Variants in ST6GALNAC3 observed in about 807,000 individuals in gnomAD.
The protein encoded by ST6GALNAC3 is alpha-N-acetylgalactosaminide alpha-2,6-sialyltransferase 3.
In ST6GALNAC3, 25 loss-of-function variants were observed where a neutral mutation model predicts 32.7. That is an observed-to-expected ratio of 0.76 (90% CI 0.56 to 1.07). The LOEUF is 1.07. Ranked by LOEUF, ST6GALNAC3 falls within the 50% of genes least tolerant of loss-of-function variation. The probability of loss-of-function intolerance (pLI) is 0.00; values close to 1 mark genes in which losing one functional copy is unlikely to be tolerated. For missense variants in ST6GALNAC3, 355 were observed against 382.4 expected, an observed-to-expected ratio of 0.93 and a Z score of 0.60; for synonymous variants, 129 against 133.1, an observed-to-expected ratio of 0.97 and a Z score of 0.21.
intron 1 of ST6GALNAC3, among the ~76,000 whole-genome samples, chr1:76,247,771 G>A (rs898135749): frequency 1.3e-5 from 2 of 152,000 alleles, no homozygotes; most frequent in African/African-American, 4.8e-5. Context: ...GTGGGAGTGG[G>A]ACCTGCTGAG....
intron 3 of ST6GALNAC3, among the ~76,000 whole-genome samples, chr1:76,494,156 T>C (rs1660662164): frequency 6.6e-6 from 1 of 151,992 alleles, no homozygotes; most frequent in South Asian, 2.1e-4. Context: ...ACATTTATTA[T>C]CTATTGTGAG....
chr1:76,524,035 T>A (rs1662715749), intron 3 of ST6GALNAC3, among the ~76,000 whole-genome samples: 1 of 152,174 alleles, frequency 6.6e-6, no homozygotes, highest in Non-Finnish European at 1.5e-5. Flanking sequence ...CTAATACTTA[T>A]TATCTACAAC....
chr1:76,547,063 C>T (rs1233853312), intron 3 of ST6GALNAC3, among the ~76,000 whole-genome samples: 1 of 152,154 alleles, frequency 6.6e-6, no homozygotes, highest in Non-Finnish European at 1.5e-5. Flanking sequence ...CTAAAATAGC[C>T]AAGAAGAAAC....
intron 3 of ST6GALNAC3, among the ~76,000 whole-genome samples, chr1:76,597,534 C>T (rs562312351): frequency 1.1e-4 from 16 of 152,104 alleles, no homozygotes; most frequent in African/African-American, 3.6e-4. Flanking sequence ...CTCCCAGATA[C>T]TTTATCTAGA....
At chr1:76,301,928 C>G (rs1316198741) in intron 1 of ST6GALNAC3, among the ~76,000 whole-genome samples, 2 of 151,684 alleles carry the variant, frequency 1.3e-5, no homozygotes, top group South Asian at 4.2e-4. Context: ...TTGGGCAGCT[C>G]CAGGACTGTT....
chr1:76,077,950 A>C (rs142458478), intron 1 of ST6GALNAC3, among the ~76,000 whole-genome samples: 168 of 152,342 alleles, frequency 1.1e-3, no homozygotes, highest in African/African-American at 3.9e-3. Flanking sequence ...ATGATAGAAA[A>C]GTAAATGAGT....
In ST6GALNAC3 at chr1:76,114,099, T is replaced by C. The variant is rs549276814; in HGVS notation, c.18+39215T>C. 2.0e-5 allele frequency among the ~76,000 whole-genome samples: 3 copies of C among 150,504 alleles called. No homozygotes were observed. In the East Asian group the frequency reaches 5.9e-4, roughly 30 times the overall value. ...TTCAGGTGATCCACCCGCCTCGGCC[T>C]CCCAACGTGCTGGGATTACAGACAT... is the stretch of plus-strand genomic sequence containing the variant. On this transcript the variant is annotated intron_variant, in intron 1 of 4. Coordinates refer to ENST00000328299, the MANE Select transcript of ST6GALNAC3 (RefSeq NM_152996.4).
At chr1:76,192,073 C>G (rs2100507805) in intron 1 of ST6GALNAC3, among the ~76,000 whole-genome samples, 1 of 152,208 alleles carries the variant, frequency 6.6e-6, no homozygotes, top group Non-Finnish European at 1.5e-5. Context: ...TTCAAAACAC[C>G]TTTCAGATAT....
At chr1:76,442,755 C>T (rs571402525) in intron 3 of ST6GALNAC3, among the ~76,000 whole-genome samples, 5 of 152,224 alleles carry the variant, frequency 3.3e-5, no homozygotes, top group South Asian at 4.2e-4. Flanking sequence ...CCTTTTAGGA[C>T]CCCTCCTTTG....
At chr1:76,404,962 C>T (rs1416778185) in intron 2 of ST6GALNAC3, among the ~76,000 whole-genome samples, 1 of 152,012 alleles carries the variant, frequency 6.6e-6, no homozygotes, top group Admixed American at 6.6e-5. Flanking sequence ...CATTGAAGTT[C>T]TTGTTTTTAC....
rs387831 is a variant in ST6GALNAC3 at position 76,509,334 on chromosome 1, C to T, written c.623+96917C>T. 0.48 allele frequency among the ~76,000 whole-genome samples: 73,147 copies of T among 151,938 alleles called. 19,629 individuals carry two copies. Among genetic ancestry groups the T allele is most frequent in the East Asian group, 0.76 (3,928 of 5,142 alleles). The stretch of plus-strand genomic sequence containing the variant: ...TATTGGCAGGAATCCAGTAAACTAG[C>T]TTGAGTCAGATGAACTTCATATTAA... On this transcript the variant is annotated intron_variant, in intron 3 of 4. Coordinates refer to ENST00000328299, the MANE Select transcript of ST6GALNAC3 (RefSeq NM_152996.4). The surrounding 1 kb of genome is among the most constrained non-coding windows in gnomAD (Gnocchi z 5.5).
intron 1 of ST6GALNAC3, among the ~76,000 whole-genome samples, chr1:76,274,464 C>A (rs1659025966): frequency 1.3e-5 from 2 of 152,108 alleles, no homozygotes; most frequent in Non-Finnish European, 1.5e-5. Context: ...TCACTTTGCT[C>A]AACCTTATCT....
intron 3 of ST6GALNAC3, among the ~76,000 whole-genome samples, chr1:76,534,449 C>T (rs530704028): frequency 2.6e-5 from 4 of 152,306 alleles, no homozygotes; most frequent in African/African-American, 9.6e-5. Flanking sequence ...AGATCCCTCT[C>T]ACCCCCTGTA....
At chr1:76,131,515 C>A (rs751861241) in intron 1 of ST6GALNAC3, among the ~76,000 whole-genome samples, 1 of 152,162 alleles carries the variant, frequency 6.6e-6, no homozygotes, top group Non-Finnish European at 1.5e-5. Flanking sequence ...TGACAGCATA[C>A]CAGTCTCCAG....
chr1:76,607,594 C>A (rs904961723), intron 3 of ST6GALNAC3, among the ~76,000 whole-genome samples: 1 of 152,184 alleles, frequency 6.6e-6, no homozygotes. Context: ...ATGTTCCTAT[C>A]GTCCCTATCA....
In ST6GALNAC3 at chr1:76,131,411, G is replaced by A. The variant is rs539588042; in HGVS notation, c.18+56527G>A. Among the ~76,000 whole-genome samples the A allele has an allele frequency of 3.3e-5, 5 of 152,270 alleles. No individual in the cohort carries two copies. The South Asian group carries it at 8.3e-4, about 25-fold the overall frequency. On this transcript the variant is annotated intron_variant, in intron 1 of 4. Coordinates refer to ENST00000328299, the MANE Select transcript of ST6GALNAC3 (RefSeq NM_152996.4). The stretch of plus-strand genomic sequence containing the variant: ...CATGAAGGGACCCCTGAGGGAAGAC[G>A]GAAAAAGTGTATTACAAGCCATTCC...
intron 1 of ST6GALNAC3, among the ~76,000 whole-genome samples, chr1:76,269,647 A>T (rs1658725660): frequency 6.6e-6 from 1 of 152,216 alleles, no homozygotes; most frequent in Non-Finnish European, 1.5e-5. Flanking sequence ...ATCCAGTTAT[A>T]ATGGAACTGA....
At chr1:76,614,555 T>A (rs926290715) in intron 3 of ST6GALNAC3, among the ~76,000 whole-genome samples, 1 of 151,776 alleles carries the variant, frequency 6.6e-6, no homozygotes, top group South Asian at 2.1e-4. Flanking sequence ...CCGCCTCTAC[T>A]AACAATACAA....
chr1:76,574,141 A>G (rs1441235941), intron 3 of ST6GALNAC3, among the ~76,000 whole-genome samples: 5 of 152,118 alleles, frequency 3.3e-5, no homozygotes, highest in African/African-American at 1.2e-4. Context: ...AATTCAATAC[A>G]AAGTAGCCAA....
Sources: allele counts gnomAD v4.1 joint callset (sites outside exome capture counted in the v4.1 genomes callset), GRCh38; gene constraint gnomAD v4.1.1; non-coding constraint Gnocchi (gnomAD v3.1); transcripts MANE v1.5; gene names NCBI Gene and HGNC (gene_info 2026-07-23, HGNC 2026-07-21).